Variants in SH3BP5 observed in about 807,000 individuals in gnomAD.
SH3BP5 encodes SH3 domain-binding protein 5.
A neutral mutation model predicts 43.3 loss-of-function variants in SH3BP5; 22 were observed. The ratio of observed to expected loss-of-function variants is 0.51; its 90% CI spans 0.36 to 0.73. The LOEUF (loss-of-function observed/expected upper bound fraction) is 0.73, where lower values mean the gene tolerates loss of function less well. SH3BP5 is among the 30% of genes least tolerant of loss of function. The pLI is 0.00. For missense variants in SH3BP5, 529 were observed against 586.9 expected, an observed-to-expected ratio of 0.90 and a Z score of 1.02; for synonymous variants, 255 against 225.8, an observed-to-expected ratio of 1.13 and a Z score of -1.16.
chr3:15,258,787 C>CA, intron 7 of SH3BP5, 44 bp downstream of exon 7: 1 of 1,524,816 alleles, frequency 6.6e-7, no homozygotes, highest in South Asian at 1.1e-5. Context: ...ACAAATCACA[C>CA]AGTCTGATAT....
At chr3:15,329,496 G>T (rs9854364) in intron 2 of SH3BP5, among the ~76,000 whole-genome samples, 1 of 152,128 alleles carries the variant, frequency 6.6e-6, no homozygotes, top group Non-Finnish European at 1.5e-5. Flanking sequence ...AACCCTTCAC[G>T]CAACTCAGAG....
At chr3:15,262,065 CAG>C (rs1415882674) in intron 5 of SH3BP5, 92 bp downstream of exon 5, 1 of 1,467,856 alleles carries the variant, frequency 6.8e-7, no homozygotes, top group Non-Finnish European at 9.4e-7. Flanking sequence ...AAGGACTACT[CAG>C]GGTGGTCCTT....
chr3:15,261,818 T>C (rs1283404152), intron 5 of SH3BP5, among the ~76,000 whole-genome samples: 3 of 152,188 alleles, frequency 2.0e-5, no homozygotes, highest in Admixed American at 6.5e-5. Context: ...AATTGAGGGA[T>C]AGGGCCTTGA....
chr3:15,267,378 C>T (rs1266261643), intron 4 of SH3BP5, among the ~76,000 whole-genome samples: 1 of 152,238 alleles, frequency 6.6e-6, no homozygotes, highest in Non-Finnish European at 1.5e-5. Flanking sequence ...AAAGCTTTGC[C>T]ACAGGCTTTT....
Position 15,255,121 on chromosome 3 carries a change from T to TTAAC in SH3BP5, c.*961_*964dup, listed in dbSNP as rs1696147611. The TTAAC allele has an allele frequency of 6.6e-6, 1 of 152,626 alleles. No individual in the cohort carries two copies. Among genetic ancestry groups the TTAAC allele is most frequent in the Non-Finnish European group, 1.5e-5 (1 of 68,046 alleles). The allele number at this position is 152,626 out of a possible 1,614,324, so 9.5% of individuals were successfully genotyped here. Reference sequence around the variant, plus strand: ...CGTTAAAGAAAAGCAGTCTTAACACTTAACTACTATTAACAGCCTTTGCCA... The same window carrying TTAAC: ...CGTTAAAGAAAAGCAGTCTTAACACTTAACTAACTACTATTAACAGCCTTTGCCA... On this transcript the variant is annotated 3_prime_UTR_variant, in exon 9 of 9. Coordinates refer to ENST00000383791, the MANE Select transcript of SH3BP5 (RefSeq NM_004844.5).
Position 15,268,753 on chromosome 3 carries a change from T to C in SH3BP5, c.495+960A>G, listed in dbSNP as rs139058797. Among the ~76,000 whole-genome samples the C allele has an allele frequency of 5.6e-4, 86 of 152,332 alleles. 1 individual carries two copies. Among genetic ancestry groups the C allele is most frequent in the African/African-American group, 1.8e-3 (75 of 41,590 alleles). ...CATTTGTGTCCTCCCAAAATTCTTA[T>C]GTTGAAACTGATCCCCAGTGTGAGG... is the stretch of plus-strand genomic sequence containing the variant. On this transcript the variant is annotated intron_variant, in intron 4 of 8. Coordinates refer to ENST00000383791, the MANE Select transcript of SH3BP5 (RefSeq NM_004844.5).
rs188937104 is a variant in SH3BP5, at chr3:15,326,945, A to G, written c.201+3559T>C. On this transcript the variant is annotated intron_variant, in intron 2 of 8. Coordinates refer to ENST00000383791, the MANE Select transcript of SH3BP5 (RefSeq NM_004844.5). ...TAAAGTGTCTTTTAATGGAAACTGAAAAGATTAATATTGATCAGTTGATGA... is the reference window on the plus strand; with the variant it reads ...TAAAGTGTCTTTTAATGGAAACTGAGAAGATTAATATTGATCAGTTGATGA... Among the ~76,000 whole-genome samples, 5 of 152,324 alleles carry G rather than the reference A, an allele frequency of 3.3e-5. No homozygotes were observed. The East Asian group carries it at 7.7e-4, about 24-fold the overall frequency.
In SH3BP5 at chr3:15,254,895, G is replaced by C. The variant is rs953843242; in HGVS notation, c.*1191C>G. ...TATTACACTTAGTGTATTAAGACAA[G>C]TACAAAATAACCTTGTAATTAAGAT... On this transcript the variant is annotated 3_prime_UTR_variant, in exon 9 of 9. Transcript: ENST00000383791. The C allele has an allele frequency of 6.6e-6, 1 of 152,104 alleles. No homozygotes were observed. Among genetic ancestry groups the C allele is most frequent in the Non-Finnish European group, 1.5e-5 (1 of 68,004 alleles). 9.4% of individuals were successfully genotyped at this position (152,104 alleles called of 1,614,324 possible).
chr3:15,271,927 C>G (rs572271954), intron 3 of SH3BP5, among the ~76,000 whole-genome samples: 4 of 152,122 alleles, frequency 2.6e-5, no homozygotes, highest in Non-Finnish European at 5.9e-5. Flanking sequence ...GCCACAAACC[C>G]GCCTCTGCAG....
chr3:15,295,870 T>A (rs926542137), intron 3 of SH3BP5, among the ~76,000 whole-genome samples: 3 of 152,194 alleles, frequency 2.0e-5, no homozygotes, highest in African/African-American at 7.2e-5. Flanking sequence ...CCAAAGAAGT[T>A]TATAGTCACA....
chr3:15,310,154 T>C (rs540550566), intron 2 of SH3BP5, among the ~76,000 whole-genome samples: 12 of 152,326 alleles, frequency 7.9e-5, no homozygotes, highest in African/African-American at 1.4e-4. Context: ...GCAGGGGCGA[T>C]AGACATGACC....
chr3:15,332,098 C>G, intron 1 of SH3BP5, 173 bp downstream of exon 1: 1 of 1,065,818 alleles, frequency 9.4e-7, no homozygotes, highest in East Asian at 2.7e-5. Flanking sequence ...ACTGTAGCCT[C>G]CTCATTGTGG....
intron 3 of SH3BP5, among the ~76,000 whole-genome samples, chr3:15,300,479 C>T (rs1049500749): frequency 5.2e-5 from 7 of 134,212 alleles, no homozygotes; most frequent in African/African-American, 1.9e-4. Flanking sequence ...AACCAGAGAG[C>T]TTTGTAAATA....
intron 3 of SH3BP5, among the ~76,000 whole-genome samples, chr3:15,297,745 C>T (rs1410689771): frequency 6.6e-6 from 1 of 152,064 alleles, no homozygotes; most frequent in Non-Finnish European, 1.5e-5. Context: ...GGCCTAGTCA[C>T]CCCTGCTACC....
intron 3 of SH3BP5, among the ~76,000 whole-genome samples, chr3:15,293,314 G>A (rs1697465894): frequency 6.6e-6 from 1 of 152,230 alleles, no homozygotes; most frequent in East Asian, 1.9e-4. Flanking sequence ...ACGTCACTGA[G>A]CCAGACCTCC....
intron 3 of SH3BP5, among the ~76,000 whole-genome samples, chr3:15,283,973 T>C (rs1045057003): frequency 6.6e-6 from 1 of 152,162 alleles, no homozygotes; most frequent in Non-Finnish European, 1.5e-5. Flanking sequence ...AAGGCACTGG[T>C]CCAAGGTCAC....
chr3:15,337,906 C>A (rs1355730228), intron 1 of SH3BP5, among the ~76,000 whole-genome samples: 2 of 135,076 alleles, frequency 1.5e-5, no homozygotes, highest in African/African-American at 5.9e-5. Flanking sequence ...CAGAGTGAGA[C>A]CCTGACTCAA....
intron 1 of SH3BP5, among the ~76,000 whole-genome samples, chr3:15,340,495 G>A (rs1004578524): frequency 6.6e-6 from 1 of 152,128 alleles, no homozygotes; most frequent in African/African-American, 2.4e-5. Flanking sequence ...AGGCCGGCAT[G>A]GTGGCTCACA....
intron 2 of SH3BP5, among the ~76,000 whole-genome samples, chr3:15,319,242 C>T (rs1313204351): frequency 4.6e-5 from 7 of 152,150 alleles, no homozygotes; most frequent in Non-Finnish European, 7.4e-5. Flanking sequence ...CACAGCATTG[C>T]TAAAAACTGT....
Sources: allele counts gnomAD v4.1 joint callset (sites outside exome capture counted in the v4.1 genomes callset), GRCh38; gene constraint gnomAD v4.1.1; transcripts MANE v1.5; gene names NCBI Gene and HGNC (gene_info 2026-07-23, HGNC 2026-07-21).